Variants in TBX20 observed in about 807,000 individuals in gnomAD.
TBX20 encodes the protein T-box transcription factor 20, also known as T-box transcription factor TBX20.
In TBX20, 8 loss-of-function variants were observed where a neutral mutation model predicts 42.9. The ratio of observed to expected loss-of-function variants is 0.19; its 90% CI spans 0.11 to 0.34. The LOEUF (loss-of-function observed/expected upper bound fraction) is 0.34, where lower values mean the gene tolerates loss of function less well. TBX20 is among the 10% of genes least tolerant of loss of function. The pLI, the probability that TBX20 is intolerant of heterozygous loss-of-function variation, is 1.00. For missense variants in TBX20, 411 were observed against 566.0 expected (o/e 0.73, Z 2.78); for synonymous variants, 198 against 222.8 (o/e 0.89, Z 0.99).
At chr7:35,228,066 T>C (rs1257543801) in intron 6 of TBX20, among the ~76,000 whole-genome samples, 1 of 147,704 alleles carries the variant, frequency 6.8e-6, no homozygotes, top group African/African-American at 2.5e-5. Context: ...CTTTTCCAAA[T>C]TTTTAAACAA....
chr7:35,208,555 C>T (rs1789438489), intron 6 of TBX20, among the ~76,000 whole-genome samples: 1 of 151,668 alleles, frequency 6.6e-6, no homozygotes, highest in Non-Finnish European at 1.5e-5. Context: ...CCAGCCTGAC[C>T]AACATGGAGA....
At chr7:35,225,497 C>T (rs1487057124) in intron 6 of TBX20, among the ~76,000 whole-genome samples, 2 of 152,158 alleles carry the variant, frequency 1.3e-5, no homozygotes, top group Non-Finnish European at 2.9e-5. Flanking sequence ...TCTTCACTAA[C>T]CACCTGTGGC....
rs1790068565 is a variant in TBX20 at position 35,241,051 on chromosome 7, A to T, written c.655-14T>A. On this transcript the variant is annotated splice_polypyrimidine_tract_variant and intron_variant, in intron 4 of 7. Transcript: ENST00000408931. ...GTTCAAAATTATCTACAACAAAAAG[A>T]TGGGAAGTACTGAATTTTACATACT... 6.2e-7 allele frequency: 1 copy of T among 1,613,264 alleles called. No individual in the cohort carries two copies.
At chr7:35,246,030 A>G (rs6976783) in intron 3 of TBX20, among the ~76,000 whole-genome samples, 55,469 of 152,098 alleles carry the variant, frequency 0.36, 10,472 homozygotes, top group Admixed American at 0.46. Context: ...ACAATTAAAC[A>G]TAAATATTTT....
intron 6 of TBX20, among the ~76,000 whole-genome samples, chr7:35,213,777 A>C (rs180729876): frequency 6.8e-6 from 1 of 147,810 alleles, no homozygotes; most frequent in Admixed American, 7.1e-5. Flanking sequence ...ACCTCTCTTC[A>C]TTTGTACACT....
chr7:35,243,453 T>C (rs980350140), intron 4 of TBX20, among the ~76,000 whole-genome samples: 5 of 152,190 alleles, frequency 3.3e-5, no homozygotes, highest in African/African-American at 9.7e-5. Flanking sequence ...ATTTCAATTA[T>C]GGACAATGGA....
At chr7:35,228,588 T>C (rs1789815832) in intron 6 of TBX20, among the ~76,000 whole-genome samples, 1 of 152,140 alleles carries the variant, frequency 6.6e-6, no homozygotes, top group Non-Finnish European at 1.5e-5. Flanking sequence ...AAAACATAGA[T>C]AACTCCTCCC....
intron 6 of TBX20, among the ~76,000 whole-genome samples, chr7:35,223,299 AG>A (rs1358064585): frequency 2.6e-5 from 4 of 152,210 alleles, no homozygotes; most frequent in African/African-American, 9.6e-5. Flanking sequence ...AGGTGCTCTT[AG>A]GGGGACAGGG....
intron 6 of TBX20, among the ~76,000 whole-genome samples, chr7:35,227,242 TATA>T (rs1391597088): frequency 1.3e-5 from 2 of 152,162 alleles, no homozygotes; most frequent in South Asian, 2.1e-4. Flanking sequence ...GTAAAACTGT[TATA>T]ATAAGCTAAG....
intron 6 of TBX20, among the ~76,000 whole-genome samples, chr7:35,210,610 T>C (rs1789481664): frequency 6.6e-6 from 1 of 152,180 alleles, no homozygotes; most frequent in South Asian, 2.1e-4. Flanking sequence ...TGTAGGACTG[T>C]ATATTACCCT....
At chr7:35,219,076 A>T (rs1425576595) in intron 6 of TBX20, among the ~76,000 whole-genome samples, 1 of 152,168 alleles carries the variant, frequency 6.6e-6, no homozygotes, top group East Asian at 1.9e-4. Context: ...AGTTGAACTA[A>T]GATACATCTA....
chr7:35,250,625 G>A (rs1400338026), intron 1 of TBX20, among the ~76,000 whole-genome samples: 6 of 152,302 alleles, frequency 3.9e-5, no homozygotes, highest in East Asian at 1.9e-4. Flanking sequence ...TTTTCTCAAC[G>A]GAGACAAAGG....
chr7:35,229,515 C>T (rs1212355584), intron 6 of TBX20, among the ~76,000 whole-genome samples: 1 of 152,200 alleles, frequency 6.6e-6, no homozygotes, highest in Admixed American at 6.5e-5. Context: ...TGTAAGAGTG[C>T]TGTCTTTGCC....
chr7:35,232,569 G>C (rs1789887741), intron 5 of TBX20, among the ~76,000 whole-genome samples: 1 of 152,128 alleles, frequency 6.6e-6, no homozygotes, highest in Non-Finnish European at 1.5e-5. Flanking sequence ...TTAGAACCAA[G>C]AAAACCTTTA....
At chr7:35,225,754 T>C (rs1053984400) in intron 6 of TBX20, among the ~76,000 whole-genome samples, 9 of 152,210 alleles carry the variant, frequency 5.9e-5, no homozygotes, top group African/African-American at 9.6e-5. Flanking sequence ...GAGCCTAAGC[T>C]AAATTCCTGT....
rs76672650 is a variant in TBX20 at position 35,239,455 on chromosome 7, T to A, written c.813+1424A>T. 2.0e-4 allele frequency among the ~76,000 whole-genome samples: 31 copies of A among 152,296 alleles called. No individual in the cohort carries two copies. The East Asian group carries it at 5.8e-3, about 28-fold the overall frequency. Reference sequence around the variant, plus strand: ...AAGACACAGAGAGGTCATAAACAACTGAATGTGTCAAGTAAACTGAGCATG... The same window carrying A: ...AAGACACAGAGAGGTCATAAACAACAGAATGTGTCAAGTAAACTGAGCATG... On this transcript the variant is annotated intron_variant, in intron 5 of 7. Coordinates refer to ENST00000408931, the MANE Select transcript of TBX20 (RefSeq NM_001077653.2).
chr7:35,217,455 A>AATT (rs1789609866), intron 6 of TBX20, among the ~76,000 whole-genome samples: 1 of 152,198 alleles, frequency 6.6e-6, no homozygotes, highest in South Asian at 2.1e-4. Context: ...TACAACCGTA[A>AATT]GTTAATTGTG....
rs181317721 is a variant in TBX20 at position 35,252,715 on chromosome 7, C to A, written c.127+779G>T. ...CCACGAGGCAATGATGAGAACACTT[C>A]TTTTTCCCTCAGTTGTAAAGAGATT... is the stretch of plus-strand genomic sequence containing the variant. On this transcript the variant is annotated intron_variant, in intron 1 of 7. Coordinates refer to ENST00000408931, the MANE Select transcript of TBX20 (RefSeq NM_001077653.2). Among the ~76,000 whole-genome samples the A allele has an allele frequency of 3.3e-5, 5 of 152,300 alleles. No homozygotes were observed. The East Asian group carries it at 9.6e-4, about 29-fold the overall frequency.
At chr7:35,205,981 G>A (rs1311660643) in intron 6 of TBX20, among the ~76,000 whole-genome samples, 7 of 152,162 alleles carry the variant, frequency 4.6e-5, no homozygotes, top group Non-Finnish European at 1.0e-4. Context: ...AATACAGAAT[G>A]TTATGTAAAG....
Sources: gnomAD v4.1 joint callset for allele counts (sites outside exome capture counted in the v4.1 genomes callset) on GRCh38, gnomAD v4.1.1 for gene constraint, MANE v1.5 for transcripts, NCBI Gene and HGNC (gene_info 2026-07-23, HGNC 2026-07-21) for gene names.